Variants in CACNA1E observed in about 807,000 individuals in gnomAD.
CACNA1E encodes voltage-dependent R-type calcium channel subunit alpha-1E.
A neutral mutation model predicts 259.2 loss-of-function variants in CACNA1E; 40 were observed. The ratio of observed to expected loss-of-function variants is 0.15; its 90% confidence interval spans 0.12 to 0.20. The LOEUF is 0.20. Among genes scored for constraint, CACNA1E ranks in the 10% least tolerant of loss-of-function variants. The probability of loss-of-function intolerance (pLI) is 1.00; values close to 1 mark genes in which losing one functional copy is unlikely to be tolerated. For missense variants in CACNA1E, 1,874 were observed against 3,040.1 expected (o/e 0.62, Z 9.02); for synonymous variants, 1,104 against 1,138.5 (o/e 0.97, Z 0.61).
At chr1:181,684,326 C>T (rs1343101168) in intron 7 of CACNA1E, among the ~76,000 whole-genome samples, 3 of 151,828 alleles carry the variant, frequency 2.0e-5, no homozygotes, top group Non-Finnish European at 4.4e-5. Context: ...TTTTAAAGGG[C>T]TTGTTTGGTT....
intron 2 of CACNA1E, among the ~76,000 whole-genome samples, chr1:181,426,209 ACCCAGTCCT>A (rs1659185119): frequency 6.6e-6 from 1 of 151,018 alleles, no homozygotes; most frequent in African/African-American, 2.4e-5. Flanking sequence ...CAATTCCCCA[ACCCAGTCCT>A]ACCCCATCTC....
At position 181,739,189 on chromosome 1, in the gene CACNA1E, C is replaced by T; in HGVS notation, c.3655C>T (p.Arg1219Ter). Residue 1219 changes from arginine to a stop codon, truncating the protein, a stop_gained, in exon 25 of 48, where the codon CGA (arginine) becomes TGA (stop). Transcript: ENST00000367573. LOFTEE classifies it high-confidence loss of function. ...GLILQDGSYF[R>*]DLWNILDFVV... ...GATCCTGCAGGATGGGTCCTACTTC[C>T]GAGACTTGTGGAACATCCTGGACTT... 6.2e-7 allele frequency: 1 copy of T among 1,613,768 alleles called. No individual in the cohort carries two copies. Among genetic ancestry groups the T allele is most frequent in the Non-Finnish European group, 8.5e-7 (1 of 1,179,706 alleles).
At chr1:181,423,563 T>A (rs631583) in intron 2 of CACNA1E, among the ~76,000 whole-genome samples, 2 of 152,002 alleles carry the variant, frequency 1.3e-5, no homozygotes, top group African/African-American at 4.8e-5. Context: ...ACAGTCTCAC[T>A]GGCATTCACA....
At chr1:181,471,043 G>A (rs992915277) in intron 2 of CACNA1E, among the ~76,000 whole-genome samples, 10 of 152,146 alleles carry the variant, frequency 6.6e-5, no homozygotes, top group South Asian at 4.1e-4. Context: ...TCGAGGACAC[G>A]GTCTCTGCTT....
chr1:181,350,307 C>T (rs1652932402), intron 1 of CACNA1E, among the ~76,000 whole-genome samples: 1 of 152,244 alleles, frequency 6.6e-6, no homozygotes, highest in African/African-American at 2.4e-5. Flanking sequence ...TGTCCTGGCA[C>T]TGAGAGCCCT....
At chr1:181,354,955 A>G (rs1158732489) in intron 1 of CACNA1E, among the ~76,000 whole-genome samples, 1 of 152,268 alleles carries the variant, frequency 6.6e-6, no homozygotes, top group East Asian at 1.9e-4. Context: ...GCTGTGTTCA[A>G]TTGTGCAATG....
At chr1:181,709,652 A>G (rs551702389) in intron 7 of CACNA1E, among the ~76,000 whole-genome samples, 1 of 151,954 alleles carries the variant, frequency 6.6e-6, no homozygotes, top group East Asian at 1.9e-4. Context: ...TTTTTTTTAA[A>G]CGTCTTGCTC....
At position 181,641,714 on chromosome 1, in the gene CACNA1E, T is replaced by TTG. The variant is rs143090853; in HGVS notation, c.952-9623_952-9622insGT. On this transcript the variant is annotated intron_variant, in intron 6 of 47. Coordinates refer to ENST00000367573, the MANE Select transcript of CACNA1E (RefSeq NM_001205293.3). Reference sequence around the variant, plus strand: ...AACACTAATTTTTTGTTTTTTTTTTTTTTTTTTTTTTTTTTTTGAGACAGA... The same window carrying TTG: ...AACACTAATTTTTTGTTTTTTTTTTTTGTTTTTTTTTTTTTTTTTGAGACAGA... Among the ~76,000 whole-genome samples, 15 of 73,746 alleles carry TTG rather than the reference T, an allele frequency of 2.0e-4. 1 individual carries two copies. The highest frequency in any genetic ancestry group is 1.3e-3 in the East Asian group (2 of 1,600). The allele number at this position is 73,746 out of a possible 152,430, so 48.4% of individuals were successfully genotyped here.
At chr1:181,374,179 C>G (rs1166490062) in intron 1 of CACNA1E, among the ~76,000 whole-genome samples, 1 of 152,120 alleles carries the variant, frequency 6.6e-6, no homozygotes, top group Non-Finnish European at 1.5e-5. Flanking sequence ...TTAGATGTGT[C>G]CCAGAAAGTC....
intron 1 of CACNA1E, among the ~76,000 whole-genome samples, chr1:181,340,349 A>G (rs1223664249): frequency 6.6e-6 from 1 of 152,064 alleles, no homozygotes; most frequent in Non-Finnish European, 1.5e-5. Context: ...ATGCGATTTT[A>G]TAATATGCCT....
chr1:181,592,387 C>T (rs1652743020), intron 6 of CACNA1E, among the ~76,000 whole-genome samples: 2 of 151,422 alleles, frequency 1.3e-5, no homozygotes, highest in African/African-American at 4.9e-5. Context: ...GGAGATGCAG[C>T]ACAGGTTCTG....
intron 3 of CACNA1E, among the ~76,000 whole-genome samples, chr1:181,569,308 G>T (rs942709178): frequency 3.3e-5 from 5 of 152,166 alleles, no homozygotes; most frequent in African/African-American, 4.8e-5. Flanking sequence ...TAAGCCTGAT[G>T]GCATCAAGGG....
Position 181,798,845 on chromosome 1 carries a change from C to A in CACNA1E, c.*11C>A. 1 of 1,499,862 alleles carries A rather than the reference C, an allele frequency of 6.7e-7. No homozygotes were observed. Among genetic ancestry groups the A allele is most frequent in the East Asian group, 2.3e-5 (1 of 43,564 alleles). 92.9% of individuals were successfully genotyped at this position (1,499,862 alleles called of 1,614,324 possible). ...GATGACAAATGCTAGAGGCTGCTCC[C>A]CCCTCCGATGCATGCTCTTCTCTCA... On this transcript the variant is annotated 3_prime_UTR_variant, in exon 48 of 48. Transcript: ENST00000367573. The surrounding 1 kb of genome is among the most constrained non-coding windows in gnomAD (Gnocchi z 4.2).
intron 1 of CACNA1E, among the ~76,000 whole-genome samples, chr1:181,359,854 C>T (rs904465477): frequency 2.0e-5 from 3 of 152,196 alleles, no homozygotes; most frequent in African/African-American, 7.2e-5. Context: ...CTTAACCTCA[C>T]TGAATTTGGG....
chr1:181,429,373 C>T (rs1659546827), intron 2 of CACNA1E, among the ~76,000 whole-genome samples: 1 of 152,102 alleles, frequency 6.6e-6, no homozygotes, highest in Non-Finnish European at 1.5e-5. Context: ...CAAGGGTGCT[C>T]CTCTGTTGCG....
chr1:181,509,857 G>A (rs1666017080), intron 1 of CACNA1E, among the ~76,000 whole-genome samples: 2 of 152,204 alleles, frequency 1.3e-5, no homozygotes, highest in Non-Finnish European at 2.9e-5. Context: ...GTGGGACAAA[G>A]CAAGCCTCTC....
In CACNA1E at chr1:181,485,613, G is replaced by C. The variant is rs1558043201; in HGVS notation, c.266+1603G>C. Among the ~76,000 whole-genome samples, 1 of 152,192 alleles carries C rather than the reference G, an allele frequency of 6.6e-6. No homozygotes were observed. Among genetic ancestry groups the C allele is most frequent in the African/African-American group, 2.4e-5 (1 of 41,422 alleles). ...TCTAGCTAGGGTGGAGGTTTCGGGC[G>C]GGGGAGGGGTCGGGTCCCTGCAGTC... On this transcript the variant is annotated intron_variant, in intron 1 of 47. Transcript: ENST00000367573. The surrounding 1 kb of genome is among the most constrained non-coding windows in gnomAD (Gnocchi z 4.2).
chr1:181,360,229 C>T (rs372045201), intron 1 of CACNA1E, among the ~76,000 whole-genome samples: 1 of 152,162 alleles, frequency 6.6e-6, no homozygotes, highest in African/African-American at 2.4e-5. Context: ...CCGTATGACC[C>T]AGCACTTCCA....
At chr1:181,531,033 C>T (rs974942590) in intron 3 of CACNA1E, among the ~76,000 whole-genome samples, 3 of 152,180 alleles carry the variant, frequency 2.0e-5, no homozygotes, top group African/African-American at 7.2e-5. Context: ...CATATTCATC[C>T]TCTATACCAT....
Sources: gnomAD v4.1 joint callset for allele counts (sites outside exome capture counted in the v4.1 genomes callset) on GRCh38, gnomAD v4.1.1 for gene constraint, Gnocchi (gnomAD v3.1) non-coding constraint, MANE v1.5 for transcripts, NCBI Gene and HGNC (gene_info 2026-07-23, HGNC 2026-07-21) for gene names.